The following WWOX variants were observed in gnomAD, a reference collection of about 807,000 sequenced individuals.
WWOX encodes WW domain-containing oxidoreductase.
In WWOX, 69 loss-of-function variants were observed where a neutral mutation model predicts 46.2. The ratio of observed to expected loss-of-function variants is 1.49; its 90% CI spans 1.23 to 1.82. WWOX has a LOEUF of 1.82. Ranked by LOEUF, WWOX falls within the 40% of genes most tolerant of loss-of-function variation. WWOX has a pLI of 0.00. For synonymous variants in WWOX, 359 were observed against 202.6 expected, an observed-to-expected ratio of 1.77 and a Z score of -6.56; for missense variants, 919 against 542.6, an observed-to-expected ratio of 1.69 and a Z score of -6.89.
chr16:78,945,660 G>A (rs1209914007), intron 8 of WWOX, among the ~76,000 whole-genome samples: 1 of 151,530 alleles, frequency 6.6e-6, no homozygotes, highest in Non-Finnish European at 1.5e-5. Flanking sequence ...TTTTTAAGTT[G>A]GCATCTTTTT....
At chr16:78,728,257 G>A (rs1047053091) in intron 8 of WWOX, among the ~76,000 whole-genome samples, 1 of 151,566 alleles carries the variant, frequency 6.6e-6, no homozygotes, top group African/African-American at 2.4e-5. Flanking sequence ...TAGAGATGGG[G>A]TCCCACTGTG....
chr16:79,045,780 CTTTTTTTTTTTTTTTTTTTTT>C lies in WWOX; in HGVS notation c.1057-165809_1057-165789del, dbSNP rs770463813. Among the ~76,000 whole-genome samples the C allele has an allele frequency of 9.2e-4, 50 of 54,232 alleles. 1 individual carries two copies. Among genetic ancestry groups the C allele is most frequent in the Admixed American group, 6.8e-3 (26 of 3,814 alleles). 35.6% of individuals were successfully genotyped at this position (54,232 alleles called of 152,430 possible). A position where few individuals can be genotyped will look rare whatever the true frequency, so the allele number is the denominator to read the frequency against. ...AGCTCGTCTTTCCTTTTTTCTTTTC[CTTTTTTTTTTTTTTTTTTTTT>C]TTTTTTTTTTTTTTTTTTGAGATGG... On this transcript the variant is annotated intron_variant, in intron 8 of 8. Coordinates refer to ENST00000566780, the MANE Select transcript of WWOX (RefSeq NM_016373.4).
intron 8 of WWOX, among the ~76,000 whole-genome samples, chr16:79,181,329 T>A (rs1324398240): frequency 2.0e-5 from 3 of 152,248 alleles, no homozygotes; most frequent in Admixed American, 6.5e-5. Flanking sequence ...ATTAAATCAA[T>A]CATTCCTCTG....
intron 8 of WWOX, among the ~76,000 whole-genome samples, chr16:79,164,145 T>C (rs1322521941): frequency 6.6e-6 from 1 of 152,282 alleles, no homozygotes; most frequent in East Asian, 1.9e-4. Context: ...ACTTTAATAC[T>C]GCTTTTTATT....
chr16:78,901,513 G>T (rs2044830528), intron 8 of WWOX, among the ~76,000 whole-genome samples: 1 of 152,192 alleles, frequency 6.6e-6, no homozygotes, highest in South Asian at 2.1e-4. Flanking sequence ...TGTGAGACAG[G>T]ATCTCCCTCT....
intron 8 of WWOX, among the ~76,000 whole-genome samples, chr16:78,668,203 C>A (rs1049157740): frequency 6.6e-6 from 1 of 152,142 alleles, no homozygotes; most frequent in African/African-American, 2.4e-5. Flanking sequence ...CCACTGGAAC[C>A]TGGGAAGCGG....
chr16:78,425,110 T>C, intron 7 of WWOX, 55 bp downstream of exon 7: 1 of 1,597,588 alleles, frequency 6.3e-7, no homozygotes, highest in Non-Finnish European at 8.6e-7. Flanking sequence ...CCAGCTAATA[T>C]TCCCCCAAGG....
intron 8 of WWOX, chr16:78,756,855 G>T: frequency 1.4e-6 from 1 of 699,600 alleles, no homozygotes; most frequent in South Asian, 1.5e-5. Flanking sequence ...ATAGGGTATT[G>T]CAGACATCAG....
chr16:79,015,262 C>T (rs755310225), intron 8 of WWOX, among the ~76,000 whole-genome samples: 13 of 152,194 alleles, frequency 8.5e-5, no homozygotes, highest in South Asian at 2.1e-4. Context: ...GGGGAAAAAG[C>T]GAGACAATGG....
chr16:78,237,571 C>T (rs1004703203), intron 5 of WWOX: 2 of 152,150 alleles, frequency 1.3e-5, no homozygotes, highest in Non-Finnish European at 2.9e-5. Context: ...CCCTGGTTGA[C>T]CTGGAATGAC....
chr16:78,355,774 A>T lies in WWOX; in HGVS notation c.517-31086A>T, dbSNP rs1250770250. ...ATGAATCAACAAAACAGAATATTCC[A>T]GTGTTCTTTCTCCGGGGAGATGGCA... On this transcript the variant is annotated intron_variant, in intron 5 of 8. Coordinates refer to ENST00000566780, the MANE Select transcript of WWOX (RefSeq NM_016373.4). 1.4e-5 allele frequency: 10 copies of T among 701,336 alleles called. 1 individual carries two copies. Among genetic ancestry groups the T allele is most frequent in the Non-Finnish European group, 2.5e-5 (10 of 399,622 alleles). 43.4% of individuals were successfully genotyped at this position (701,336 alleles called of 1,614,324 possible).
intron 8 of WWOX, among the ~76,000 whole-genome samples, chr16:78,768,479 A>T (rs887816050): frequency 9.9e-5 from 15 of 151,728 alleles, no homozygotes; most frequent in African/African-American, 3.6e-4. Flanking sequence ...AATCCCAGCT[A>T]CTCACCAGGC....
At chr16:79,120,712 C>G (rs546001774) in intron 8 of WWOX, among the ~76,000 whole-genome samples, 15 of 152,276 alleles carry the variant, frequency 9.9e-5, no homozygotes, top group African/African-American at 2.6e-4. Context: ...ATCTGTGCCT[C>G]CATGGTCACT....
chr16:78,815,447 C>T (rs985843916), intron 8 of WWOX, among the ~76,000 whole-genome samples: 1 of 152,180 alleles, frequency 6.6e-6, no homozygotes, highest in African/African-American at 2.4e-5. Context: ...CCTGCACCGA[C>T]CTTTACAAAC....
chr16:78,842,203 T>G (rs374583565), intron 8 of WWOX, among the ~76,000 whole-genome samples: 7 of 151,938 alleles, frequency 4.6e-5, no homozygotes. Context: ...GAAGTCAAAA[T>G]TCAAAATGGG....
At chr16:78,989,159 T>C (rs1036862549) in intron 8 of WWOX, among the ~76,000 whole-genome samples, 1 of 152,136 alleles carries the variant, frequency 6.6e-6, no homozygotes, top group Admixed American at 6.5e-5. Context: ...TGAACCCTTA[T>C]TGTATCTCCC....
intron 6 of WWOX, among the ~76,000 whole-genome samples, chr16:78,387,373 T>A (rs548716394): frequency 5.9e-5 from 9 of 152,304 alleles, no homozygotes; most frequent in African/African-American, 2.2e-4. Context: ...GACCTCTAGT[T>A]TCTAAAGCCT....
At chr16:79,179,277 A>G (rs960912600) in intron 8 of WWOX, among the ~76,000 whole-genome samples, 19 of 152,258 alleles carry the variant, frequency 1.2e-4, no homozygotes, top group Admixed American at 3.9e-4. Context: ...GTGAATGAAC[A>G]TAAAAACCGA....
intron 8 of WWOX, among the ~76,000 whole-genome samples, chr16:78,621,380 C>G (rs978569901): frequency 2.6e-5 from 4 of 151,612 alleles, no homozygotes; most frequent in Non-Finnish European, 5.9e-5. Flanking sequence ...GCTGTCTTAC[C>G]TCCTCATCCT....
Sources: allele counts gnomAD v4.1 joint callset (sites outside exome capture counted in the v4.1 genomes callset), GRCh38; gene constraint gnomAD v4.1.1; transcripts MANE v1.5; gene names NCBI Gene and HGNC (gene_info 2026-07-23, HGNC 2026-07-21).